The following LHFPL2 variants were observed in gnomAD, a reference collection of about 807,000 sequenced individuals.
LHFPL2 encodes the protein LHFPL tetraspan subfamily member 2 protein.
LHFPL2 carries 7 observed loss-of-function variants against 17.5 expected under a neutral mutation model. That is an observed-to-expected ratio of 0.40 (90% CI 0.23 to 0.75). The LOEUF (loss-of-function observed/expected upper bound fraction) is 0.75, where lower values mean the gene tolerates loss of function less well. Ranked by LOEUF, LHFPL2 falls within the 30% of genes least tolerant of loss-of-function variation. The pLI is 0.37. For synonymous variants in LHFPL2, 134 were observed against 116.2 expected, an observed-to-expected ratio of 1.15 and a Z score of -0.99; for missense variants, 241 against 294.8, an observed-to-expected ratio of 0.82 and a Z score of 1.34.
intron 2 of LHFPL2, among the ~76,000 whole-genome samples, chr5:78,602,213 A>C (rs1165163572): frequency 5.3e-5 from 8 of 152,138 alleles, no homozygotes; most frequent in African/African-American, 1.7e-4. Context: ...TGAAGAAAGG[A>C]AAAAAGAAAA....
intron 3 of LHFPL2, among the ~76,000 whole-genome samples, chr5:78,559,660 C>T (rs542195747): frequency 6.6e-5 from 10 of 152,260 alleles, no homozygotes; most frequent in Non-Finnish European, 1.3e-4. Context: ...TACCATTTTT[C>T]CCCTCCCAGG....
At chr5:78,510,721 C>T (rs1755092149) in intron 3 of LHFPL2, among the ~76,000 whole-genome samples, 1 of 152,250 alleles carries the variant, frequency 6.6e-6, no homozygotes. Context: ...CTCCCGCTCC[C>T]TCATCTTTTA....
chr5:78,591,024 C>T lies in LHFPL2; in HGVS notation c.-244-26153G>A, dbSNP rs1017477925. Among the ~76,000 whole-genome samples the T allele has an allele frequency of 5.5e-5, 8 of 145,380 alleles. No homozygotes were observed. In the East Asian group the frequency reaches 1.5e-3, roughly 28 times the overall value. ...TGAGCCAAATATTTCTATTTTTTTG[C>T]CATAAAAAGTTAGCCAAATATTTAA... On this transcript the variant is annotated intron_variant, in intron 2 of 4. Coordinates refer to ENST00000380345, the MANE Select transcript of LHFPL2 (RefSeq NM_005779.3).
chr5:78,633,356 C>T (rs1745319960), intron 1 of LHFPL2, among the ~76,000 whole-genome samples: 1 of 152,236 alleles, frequency 6.6e-6, no homozygotes, highest in South Asian at 2.1e-4. Flanking sequence ...GCCTCAGGGG[C>T]AGAGTCTGCC....
chr5:78,643,498 T>A (rs920795815), intron 1 of LHFPL2, among the ~76,000 whole-genome samples: 5 of 152,122 alleles, frequency 3.3e-5, no homozygotes, highest in African/African-American at 7.2e-5. Flanking sequence ...GCAGGAAAAA[T>A]TGCTGTTTTT....
In LHFPL2 at chr5:78,486,260, C is replaced by A. The variant is rs1051769941; in HGVS notation, c.*2637G>T. 2.6e-5 allele frequency: 4 copies of A among 152,482 alleles called. No homozygotes were observed. The highest frequency in any genetic ancestry group is 9.7e-5 in the African/African-American group (4 of 41,434). The allele number at this position is 152,482 out of a possible 1,614,324, so 9.4% of individuals were successfully genotyped here. On this transcript the variant is annotated 3_prime_UTR_variant, in exon 5 of 5. Transcript: ENST00000380345. ...CACAGGTTTAAAGAATCCACAGAATCCAAGGCAAATATTTCTGCCTCAGAG... is the reference window on the plus strand; with the variant it reads ...CACAGGTTTAAAGAATCCACAGAATACAAGGCAAATATTTCTGCCTCAGAG...
At chr5:78,602,603 A>T (rs1744058288) in intron 2 of LHFPL2, among the ~76,000 whole-genome samples, 1 of 152,148 alleles carries the variant, frequency 6.6e-6, no homozygotes, top group African/African-American at 2.4e-5. Flanking sequence ...CACCATCAAC[A>T]TCAATTCGTA....
intron 2 of LHFPL2, among the ~76,000 whole-genome samples, chr5:78,570,458 G>A (rs1220607511): frequency 1.3e-5 from 2 of 152,162 alleles, no homozygotes; most frequent in African/African-American, 4.8e-5. Flanking sequence ...AAACACCAGT[G>A]TCTGGACCCA....
intron 4 of LHFPL2, among the ~76,000 whole-genome samples, chr5:78,493,210 C>T (rs552452945): frequency 9.8e-5 from 15 of 152,324 alleles, no homozygotes; most frequent in Middle Eastern, 3.4e-3. Context: ...GAATGCCACA[C>T]GTAGTCCTCC....
intron 1 of LHFPL2, among the ~76,000 whole-genome samples, chr5:78,637,305 T>C (rs1292569934): frequency 1.3e-5 from 2 of 149,500 alleles, no homozygotes; most frequent in African/African-American, 5.0e-5. Flanking sequence ...GCAGGTTTAA[T>C]GGAAGGAAGT....
chr5:78,552,134 A>ATTT (rs372439802), intron 3 of LHFPL2, among the ~76,000 whole-genome samples: 1 of 140,474 alleles, frequency 7.1e-6, no homozygotes, highest in African/African-American at 2.6e-5. Flanking sequence ...CATGTCAGTG[A>ATTT]TTTTTTTTTT....
At chr5:78,539,441 T>C (rs1347889278) in intron 3 of LHFPL2, among the ~76,000 whole-genome samples, 1 of 152,206 alleles carries the variant, frequency 6.6e-6, no homozygotes, top group East Asian at 1.9e-4. Context: ...GAGGTGGCAC[T>C]TAGCTTACTA....
At chr5:78,626,892 C>T (rs2112507524) in intron 2 of LHFPL2, among the ~76,000 whole-genome samples, 1 of 151,962 alleles carries the variant, frequency 6.6e-6, no homozygotes, top group East Asian at 1.9e-4. Flanking sequence ...ACCAGCCTGG[C>T]CAACATGGTG....
chr5:78,492,454 G>T (rs886356597), intron 4 of LHFPL2, among the ~76,000 whole-genome samples: 8 of 152,144 alleles, frequency 5.3e-5, no homozygotes, highest in African/African-American at 1.9e-4. Flanking sequence ...GGCTGTCTTG[G>T]GTTCTCTGGG....
At chr5:78,491,681 C>T (rs183529553) in intron 4 of LHFPL2, among the ~76,000 whole-genome samples, 157 of 152,200 alleles carry the variant, frequency 1.0e-3, no homozygotes, top group Admixed American at 3.7e-3. Context: ...GCTGAGTGAC[C>T]GACATACGAT....
Position 78,531,222 on chromosome 5 carries a change from C to A in LHFPL2, c.-185-20824G>T, listed in dbSNP as rs528342579. Among the ~76,000 whole-genome samples, 10 of 151,694 alleles carry A rather than the reference C, an allele frequency of 6.6e-5. No homozygotes were observed. The South Asian group carries it at 1.9e-3, about 29-fold the overall frequency. The stretch of plus-strand genomic sequence containing the variant: ...CCTGAGGTCGGGAGTTCGAGACCAG[C>A]CTGATCAACATGGAGAAACCCCGTC... On this transcript the variant is annotated intron_variant, in intron 3 of 4. Transcript: ENST00000380345.
intron 4 of LHFPL2, among the ~76,000 whole-genome samples, chr5:78,505,009 G>A (rs1348476942): frequency 6.6e-6 from 1 of 152,228 alleles, no homozygotes; most frequent in Non-Finnish European, 1.5e-5. Flanking sequence ...GGCAGTCCCT[G>A]TGGAATAGGC....
intron 3 of LHFPL2, among the ~76,000 whole-genome samples, chr5:78,548,031 C>T (rs530064935): frequency 1.3e-5 from 2 of 152,376 alleles, no homozygotes; most frequent in South Asian, 2.1e-4. Context: ...GGGAGGATCC[C>T]GAGGGAATGA....
rs35349495 is a variant in LHFPL2 at position 78,589,467 on chromosome 5, C to CAA, written c.-244-24598_-244-24597dup. ...TCTGGCAACAGGGTTAACTCCATCTCAAAAAAAAAAAAAAAATTAGAAGTC... is the reference window on the plus strand; with the variant it reads ...TCTGGCAACAGGGTTAACTCCATCTCAAAAAAAAAAAAAAAAAATTAGAAGTC... On this transcript the variant is annotated intron_variant, in intron 2 of 4. Transcript: ENST00000380345. 4.7e-3 allele frequency among the ~76,000 whole-genome samples: 613 copies of CAA among 131,466 alleles called. 8 individuals are homozygous for CAA. The highest frequency in any genetic ancestry group is 0.014 in the African/African-American group (497 of 35,788). The allele number at this position is 131,466 out of a possible 152,430, so 86.2% of individuals were successfully genotyped here.
Sources: gnomAD v4.1 joint callset for allele counts (sites outside exome capture counted in the v4.1 genomes callset) on GRCh38, gnomAD v4.1.1 for gene constraint, MANE v1.5 for transcripts, NCBI Gene and HGNC (gene_info 2026-07-23, HGNC 2026-07-21) for gene names.